ARHGEF4: variants seen among roughly 807,000 people sequenced by gnomAD.
ARHGEF4 encodes APC-stimulated guanine nucleotide exchange factor 1.
In ARHGEF4, 119 loss-of-function variants were observed where a neutral mutation model predicts 162.0. The observed-to-expected ratio is 0.73, with a 90% CI of 0.63 to 0.86. The LOEUF is 0.86. ARHGEF4 is among the 40% of genes least tolerant of loss of function. The pLI is 0.00. For synonymous variants in ARHGEF4, 1,014 were observed against 979.9 expected (o/e 1.03, Z -0.65); for missense variants, 2,488 against 2,456.0 (o/e 1.01, Z -0.28).
intron 3 of ARHGEF4, among the ~76,000 whole-genome samples, chr2:130,945,928 G>C (rs887415923): frequency 1.3e-5 from 2 of 152,250 alleles, no homozygotes; most frequent in Admixed American, 1.3e-4. Flanking sequence ...GCATTTATTT[G>C]AATACATACC....
chr2:130,951,854 T>C (rs1683979380), intron 4 of ARHGEF4, among the ~76,000 whole-genome samples: 1 of 152,168 alleles, frequency 6.6e-6, no homozygotes, highest in African/African-American at 2.4e-5. Flanking sequence ...ATGATTGTTA[T>C]GCATATTATA....
chr2:131,034,721 TC>T (rs1003807434), intron 5 of ARHGEF4, among the ~76,000 whole-genome samples: 26 of 151,958 alleles, frequency 1.7e-4, no homozygotes, highest in African/African-American at 6.3e-4. Context: ...TCCCGGGGCA[TC>T]CCCGAGCGCC....
chr2:130,917,942 C>T lies in ARHGEF4; in HGVS notation c.3552+444C>T, dbSNP rs961450992. Among the ~76,000 whole-genome samples the T allele has an allele frequency of 9.9e-5, 15 of 151,998 alleles. No homozygotes were observed. In the South Asian group the frequency reaches 3.1e-3, roughly 32 times the overall value. On this transcript the variant is annotated intron_variant, in intron 2 of 13. Transcript: ENST00000409359. ...GATTCAGGCAATTCTCTGCCTCAGC[C>T]TCACGAGTAGATTGGATTACAGGCA...
intron 6 of ARHGEF4, chr2:131,039,741 C>G (rs1690613808): frequency 7.4e-7 from 1 of 1,352,934 alleles, no homozygotes; most frequent in African/African-American, 1.6e-5. Context: ...GCAGCAAGCG[C>G]TCCAGCCTCT....
At chr2:130,912,717 T>G (rs1334601190) in intron 1 of ARHGEF4, among the ~76,000 whole-genome samples, 1 of 152,128 alleles carries the variant, frequency 6.6e-6, no homozygotes, top group Non-Finnish European at 1.5e-5. Flanking sequence ...CATCGACTGC[T>G]GTGCACAGCA....
intron 4 of ARHGEF4, among the ~76,000 whole-genome samples, chr2:131,008,683 C>T (rs1196852253): frequency 6.6e-6 from 1 of 151,554 alleles, no homozygotes; most frequent in Non-Finnish European, 1.5e-5. Flanking sequence ...TATCACTATT[C>T]CTTTATGTTA....
intron 4 of ARHGEF4, among the ~76,000 whole-genome samples, chr2:130,956,181 A>G (rs1034824324): frequency 2.0e-5 from 3 of 152,210 alleles, no homozygotes; most frequent in Non-Finnish European, 4.4e-5. Context: ...ACACTTCTCA[A>G]AAGAAGACAT....
chr2:130,982,859 G>A (rs1420848503), intron 4 of ARHGEF4, among the ~76,000 whole-genome samples: 2 of 152,066 alleles, frequency 1.3e-5, no homozygotes, highest in Non-Finnish European at 2.9e-5. Flanking sequence ...CAAAATTACT[G>A]TTTTTCTAAT....
intron 1 of ARHGEF4, among the ~76,000 whole-genome samples, chr2:130,867,256 A>T (rs1324208703): frequency 6.7e-6 from 1 of 150,102 alleles, no homozygotes; most frequent in Non-Finnish European, 1.5e-5. Context: ...TTTTTTTTTA[A>T]TGAGACGGAG....
chr2:130,863,974 G>A (rs1682072669), intron 1 of ARHGEF4, among the ~76,000 whole-genome samples: 1 of 129,718 alleles, frequency 7.7e-6, no homozygotes, highest in Non-Finnish European at 1.6e-5. Flanking sequence ...CACGAGGTCA[G>A]GAGATCGAGA....
At position 130,914,541 on chromosome 2, in the gene ARHGEF4, G is replaced by GGGGT; in HGVS notation, c.598_601dup (p.Ala201GlyfsTer20). 1 of 1,416,036 alleles carries GGGGT rather than the reference G, an allele frequency of 7.1e-7. No homozygotes were observed. Among genetic ancestry groups the GGGGT allele is most frequent in the Non-Finnish European group, 9.2e-7 (1 of 1,091,302 alleles). The allele number at this position is 1,416,036 out of a possible 1,614,324, so 87.7% of individuals were successfully genotyped here. Reference sequence around the variant, plus strand: ...CAGCAGTGGTCCTGAGCCAGTACAGGGGGTGGCTGTTCAAGACCTCAGAGG... The same window carrying GGGGT: ...CAGCAGTGGTCCTGAGCCAGTACAGGGGGTGGGTGGCTGTTCAAGACCTCAGAGG... On this transcript the variant is annotated frameshift_variant, in exon 2 of 14. Coordinates refer to ENST00000409359, the MANE Select transcript of ARHGEF4 (RefSeq NM_001367493.1). LOFTEE classifies it high-confidence loss of function.
At chr2:130,888,930 G>A (rs1679683799) in intron 1 of ARHGEF4, among the ~76,000 whole-genome samples, 1 of 151,470 alleles carries the variant, frequency 6.6e-6, no homozygotes, top group Non-Finnish European at 1.5e-5. Flanking sequence ...GTGAAACCCC[G>A]TCTCTACTAA....
chr2:130,987,770 T>C (rs4563272), intron 4 of ARHGEF4, among the ~76,000 whole-genome samples: 107,923 of 152,098 alleles, frequency 0.71, 39,631 homozygotes, highest in East Asian at 0.88. Flanking sequence ...AAGGCCAGGG[T>C]GGCTGTGGGA....
chr2:131,002,265 C>G (rs777129420), intron 4 of ARHGEF4, among the ~76,000 whole-genome samples: 2 of 152,090 alleles, frequency 1.3e-5, no homozygotes, highest in African/African-American at 4.8e-5. Context: ...TCTCTTTACT[C>G]CTGGAATTAG....
intron 5 of ARHGEF4, among the ~76,000 whole-genome samples, chr2:131,028,925 A>G (rs953518622): frequency 6.6e-6 from 1 of 152,192 alleles, no homozygotes; most frequent in Non-Finnish European, 1.5e-5. Flanking sequence ...TGGAAGAGTT[A>G]GACTTTTCTG....
Position 130,944,740 on chromosome 2 carries a change from T to C in ARHGEF4, c.3859-1769T>C, listed in dbSNP as rs901199682. 5.3e-5 allele frequency among the ~76,000 whole-genome samples: 8 copies of C among 152,356 alleles called. No individual in the cohort carries two copies. The East Asian group carries it at 1.5e-3, about 29-fold the overall frequency. ...TCTGATAATTCCAACAACTGTGTCT[T>C]CTTGGTGTTGCCATTGTTGACTATC... On this transcript the variant is annotated intron_variant, in intron 3 of 13. Transcript: ENST00000409359.
At chr2:130,947,907 A>C (rs1214408921) in intron 4 of ARHGEF4, among the ~76,000 whole-genome samples, 1 of 152,150 alleles carries the variant, frequency 6.6e-6, no homozygotes, top group East Asian at 1.9e-4. Context: ...TGCTGGAGGG[A>C]GGGGCCAAAT....
At chr2:131,037,716 CA>C (rs1690409592) in intron 5 of ARHGEF4, among the ~76,000 whole-genome samples, 1 of 152,198 alleles carries the variant, frequency 6.6e-6, no homozygotes, top group Non-Finnish European at 1.5e-5. Context: ...CCATGGCGTA[CA>C]AGGGCTGCCT....
intron 4 of ARHGEF4, among the ~76,000 whole-genome samples, chr2:131,011,399 C>T (rs1688440177): frequency 1.3e-5 from 2 of 152,072 alleles, no homozygotes; most frequent in Admixed American, 1.3e-4. Context: ...TTTTATCTGT[C>T]TTAAAGTATG....
Sources: gnomAD v4.1 joint callset for allele counts (sites outside exome capture counted in the v4.1 genomes callset) on GRCh38, gnomAD v4.1.1 for gene constraint, MANE v1.5 for transcripts, NCBI Gene and HGNC (gene_info 2026-07-23, HGNC 2026-07-21) for gene names.